Variants in MAPK1IP1L observed in about 807,000 individuals in gnomAD.
MAPK1IP1L encodes mitogen-activated protein kinase 1 interacting protein 1 like.
Under a neutral mutation model 18.1 loss-of-function variants are expected in MAPK1IP1L, and 10 were observed. The ratio of observed to expected loss-of-function variants is 0.55; its 90% CI spans 0.34 to 0.94. MAPK1IP1L has a LOEUF of 0.94. MAPK1IP1L is among the 40% of genes least tolerant of loss of function. MAPK1IP1L has a pLI of 0.02. For synonymous variants in MAPK1IP1L, 115 were observed against 117.3 expected (o/e 0.98, Z 0.13); for missense variants, 260 against 318.2 (o/e 0.82, Z 1.39).
At chr14:55,059,594 C>T (rs2042799840) in intron 1 of MAPK1IP1L, among the ~76,000 whole-genome samples, 2 of 152,170 alleles carry the variant, frequency 1.3e-5, no homozygotes, top group African/African-American at 4.8e-5. Flanking sequence ...AGAATAAAGT[C>T]CACAATATCT....
In MAPK1IP1L at chr14:55,064,643, A is replaced by G. The variant is rs766040325; in HGVS notation, c.*16A>G. ...TTACCATTAAGTTAACAATGGACGA[A>G]GAGATGACGCTTTGCTTTTTGAAGT... On this transcript the variant is annotated 3_prime_UTR_variant, in exon 4 of 4. Coordinates refer to ENST00000395468, the MANE Select transcript of MAPK1IP1L (RefSeq NM_144578.4). 2.9e-5 allele frequency: 46 copies of G among 1,611,460 alleles called. No individual in the cohort carries two copies. The highest frequency in any genetic ancestry group is 3.7e-5 in the Non-Finnish European group (44 of 1,179,272).
chr14:55,057,927 C>A (rs1192908363), intron 1 of MAPK1IP1L, among the ~76,000 whole-genome samples: 2 of 151,752 alleles, frequency 1.3e-5, no homozygotes, highest in African/African-American at 2.4e-5. Flanking sequence ...AGAGCAAGAC[C>A]CTGTCTCAAA....
chr14:55,061,836 A>T lies in MAPK1IP1L; in HGVS notation c.18+135A>T, dbSNP rs945945973. On this transcript the variant is annotated intron_variant, in intron 2 of 3. Transcript: ENST00000395468. ...CATGGTGGTGTGCACCTGTAGTCCT[A>T]GCTACTTGGGAGGATCCCTTGACCC... The T allele has an allele frequency of 7.5e-6, 5 of 663,132 alleles. No individual in the cohort carries two copies. In the Admixed American group the frequency reaches 1.6e-4, roughly 22 times the overall value. 41.1% of individuals were successfully genotyped at this position (663,132 alleles called of 1,614,324 possible). A position where few individuals can be genotyped will look rare whatever the true frequency, so the allele number is the denominator to read the frequency against.
chr14:55,061,626 T>G, intron 1 of MAPK1IP1L, 54 bp from the exon 2 acceptor site: 2 of 1,259,896 alleles, frequency 1.6e-6, no homozygotes, highest in Non-Finnish European at 2.2e-6. Context: ...TAAGAAATGG[T>G]GAACACTGAT....
At chr14:55,053,947 T>A (rs1017165891) in intron 1 of MAPK1IP1L, among the ~76,000 whole-genome samples, 5 of 152,142 alleles carry the variant, frequency 3.3e-5, no homozygotes, top group Non-Finnish European at 5.9e-5. Flanking sequence ...GGACCAGAAG[T>A]GTTTCAGATT....
intron 1 of MAPK1IP1L, among the ~76,000 whole-genome samples, chr14:55,056,056 G>A (rs1408395540): frequency 6.6e-6 from 1 of 152,194 alleles, no homozygotes; most frequent in Non-Finnish European, 1.5e-5. Context: ...TTTATTCTAG[G>A]AATGGAGAGC....
Position 55,061,710 on chromosome 14 carries a change from A to G in MAPK1IP1L, c.18+9A>G, listed in dbSNP as rs1400056070. ...TGTCTGATGAATTTTCGGTAAGTTG[A>G]TCAGTTTATCTGTGATAAGTTTTTC... On this transcript the variant is annotated intron_variant, in intron 2 of 3. Coordinates refer to ENST00000395468, the MANE Select transcript of MAPK1IP1L (RefSeq NM_144578.4). 9 of 1,565,400 alleles carry G rather than the reference A, an allele frequency of 5.7e-6. No individual in the cohort carries two copies. The highest frequency in any genetic ancestry group is 7.8e-6 in the Non-Finnish European group (9 of 1,149,012).
chr14:55,062,597 C>G, intron 2 of MAPK1IP1L, 21 bp from the exon 3 acceptor site: 1 of 1,582,150 alleles, frequency 6.3e-7, no homozygotes, highest in Non-Finnish European at 8.6e-7. Context: ...ATAGGAAAGA[C>G]GTATCTGTTT....
intron 3 of MAPK1IP1L, 45 bp downstream of exon 3, chr14:55,063,370 C>T (rs2042835689): frequency 3.5e-6 from 5 of 1,446,928 alleles, no homozygotes; most frequent in South Asian, 1.3e-5. Context: ...TTGTACATAG[C>T]ACAACTGACA....
intron 1 of MAPK1IP1L, among the ~76,000 whole-genome samples, chr14:55,060,161 T>A (rs1319837120): frequency 2.2e-5 from 1 of 45,578 alleles, no homozygotes; most frequent in African/African-American, 1.6e-4. Context: ...GAAATTTTTT[T>A]TTTTTTTTTT....
intron 1 of MAPK1IP1L, among the ~76,000 whole-genome samples, chr14:55,053,326 G>GTTA (rs2042745327): frequency 6.6e-6 from 1 of 152,206 alleles, no homozygotes; most frequent in Non-Finnish European, 1.5e-5. Context: ...AAGAGCTGCA[G>GTTA]TTATAGCTAG....
At position 55,069,853 on chromosome 14, in the gene MAPK1IP1L, C is replaced by T. The variant is rs1334923163; in HGVS notation, c.*5226C>T. 6.6e-6 allele frequency: 1 copy of T among 152,180 alleles called. No individual in the cohort carries two copies. The highest frequency in any genetic ancestry group is 2.4e-5 in the African/African-American group (1 of 41,452). 9.4% of individuals were successfully genotyped at this position (152,180 alleles called of 1,614,324 possible). On this transcript the variant is annotated 3_prime_UTR_variant, in exon 4 of 4. Coordinates refer to ENST00000395468, the MANE Select transcript of MAPK1IP1L (RefSeq NM_144578.4). ...ACTTTCTCTGTCTGTCCCTACTCCC[C>T]TCACTCCCCCACTTTCTGTTATGAA...
intron 1 of MAPK1IP1L, among the ~76,000 whole-genome samples, chr14:55,053,048 G>A (rs2042743030): frequency 6.6e-6 from 1 of 152,154 alleles, no homozygotes; most frequent in Admixed American, 6.5e-5. Context: ...TCTAAGTGGG[G>A]GCGAATAGAA....
At chr14:55,058,513 T>C (rs757872711) in intron 1 of MAPK1IP1L, among the ~76,000 whole-genome samples, 11 of 152,154 alleles carry the variant, frequency 7.2e-5, no homozygotes, top group South Asian at 4.1e-4. Context: ...TAAACAGTCC[T>C]CTGTGTCTGC....
At position 55,062,974 on chromosome 14, in the gene MAPK1IP1L, G is replaced by A; in HGVS notation, c.375G>A (p.Glu125=). The A allele has an allele frequency of 6.2e-7, 1 of 1,613,348 alleles. No individual in the cohort carries two copies. The highest frequency in any genetic ancestry group is 8.5e-7 in the Non-Finnish European group (1 of 1,179,342). Residue 125 remains glutamate (E), a synonymous_variant, in exon 3 of 4, where the codon GAG becomes GAA. Transcript: ENST00000395468. ...CTACACCAAATATGCCCTTTCCAGA[G>A]CTACCCAGACCATATGGTGCACCCA... ...PYPTPNMPFP[E]LPRPYGAPTD...
At position 55,063,405 on chromosome 14, in the gene MAPK1IP1L, A is replaced by C. The variant is rs2042836170; in HGVS notation, c.726+80A>C. On this transcript the variant is annotated intron_variant, in intron 3 of 3. Coordinates refer to ENST00000395468, the MANE Select transcript of MAPK1IP1L (RefSeq NM_144578.4). ...ATTGTTTCTCCCCAGTTTTGGATGGAAGATTAAGAAGGCTTTTAAGTTTTT... is the reference window on the plus strand; with the variant it reads ...ATTGTTTCTCCCCAGTTTTGGATGGCAGATTAAGAAGGCTTTTAAGTTTTT... The C allele has an allele frequency of 4.1e-6, 5 of 1,225,760 alleles. No individual in the cohort carries two copies. The East Asian group carries it at 1.2e-4, about 29-fold the overall frequency. The allele number at this position is 1,225,760 out of a possible 1,614,324, so 75.9% of individuals were successfully genotyped here. A position where few individuals can be genotyped will look rare whatever the true frequency, so the allele number is the denominator to read the frequency against.
chr14:55,062,233 T>C (rs1260311694), intron 2 of MAPK1IP1L, among the ~76,000 whole-genome samples: 1 of 152,186 alleles, frequency 6.6e-6, no homozygotes, highest in African/African-American at 2.4e-5. Context: ...TAAAACAGTT[T>C]TGAAACTGAA....
In MAPK1IP1L at chr14:55,051,695, C is replaced by G. The variant is rs376421904; in HGVS notation, c.-113C>G. On this transcript the variant is annotated 5_prime_UTR_variant, in exon 1 of 4. Coordinates refer to ENST00000395468, the MANE Select transcript of MAPK1IP1L (RefSeq NM_144578.4). ...GAGCCGCGCGCTGCTGGTGCTGTTG[C>G]CGCCGCTGCTCTAGCTGCCGTCAGT... The G allele has an allele frequency of 1.9e-6, 1 of 516,206 alleles. No individual in the cohort carries two copies. The highest frequency in any genetic ancestry group is 1.9e-5 in the Admixed American group (1 of 51,564). 32.0% of individuals were successfully genotyped at this position (516,206 alleles called of 1,614,324 possible).
rs1258216867 is a variant in MAPK1IP1L at position 55,063,389 on chromosome 14, C to T, written c.726+64C>T. The T allele has an allele frequency of 5.0e-6, 7 of 1,393,308 alleles. No individual in the cohort carries two copies. The East Asian group carries it at 7.0e-5, about 14-fold the overall frequency. The allele number at this position is 1,393,308 out of a possible 1,614,324, so 86.3% of individuals were successfully genotyped here. ...ACATAGCACAACTGACATTGTTTCT[C>T]CCCAGTTTTGGATGGAAGATTAAGA... On this transcript the variant is annotated intron_variant, in intron 3 of 3. Transcript: ENST00000395468.
Sources: gnomAD v4.1 joint callset for allele counts (sites outside exome capture counted in the v4.1 genomes callset) on GRCh38, gnomAD v4.1.1 for gene constraint, MANE v1.5 for transcripts, NCBI Gene and HGNC (gene_info 2026-07-23, HGNC 2026-07-21) for gene names.